The following MX1 variants were observed in gnomAD, a reference collection of about 807,000 sequenced individuals.
The protein encoded by MX1 is interferon-induced GTP-binding protein Mx1.
A neutral mutation model predicts 66.4 loss-of-function variants in MX1; 66 were observed. That is an observed-to-expected ratio of 0.99 (90% CI 0.82 to 1.22). The LOEUF (loss-of-function observed/expected upper bound fraction) is 1.22, where lower values mean the gene tolerates loss of function less well. MX1 is among the 50% of genes most tolerant of loss of function. MX1 has a pLI of 0.00. For synonymous variants in MX1, 311 were observed against 318.1 expected, an observed-to-expected ratio of 0.98 and a Z score of 0.24; for missense variants, 787 against 834.3, an observed-to-expected ratio of 0.94 and a Z score of 0.70.
At position 41,431,915 on chromosome 21, in the gene MX1, C is replaced by T. The variant is rs2090223747; in HGVS notation, c.-21-135C>T. 5 of 656,098 alleles carry T rather than the reference C, an allele frequency of 7.6e-6. No individual in the cohort carries two copies. The South Asian group carries it at 9.0e-5, about 12-fold the overall frequency. 40.6% of individuals were successfully genotyped at this position (656,098 alleles called of 1,614,324 possible). A position where few individuals can be genotyped will look rare whatever the true frequency, so the allele number is the denominator to read the frequency against. On this transcript the variant is annotated intron_variant, in intron 4 of 16. Transcript: ENST00000398598. ...ACTGTGTCCCAGGCACTCTTCTACG[C>T]TCTGGGGACATCACCATGAACAACT...
intron 6 of MX1, among the ~76,000 whole-genome samples, chr21:41,436,780 G>A (rs2090374414): frequency 6.6e-6 from 1 of 152,194 alleles, no homozygotes; most frequent in South Asian, 2.1e-4. Context: ...AAAAGTGGTG[G>A]CTTTCAAGCG....
upstream of MX1, among the ~76,000 whole-genome samples, chr21:41,424,553 C>T (rs464783): frequency 0.35 from 52,766 of 151,894 alleles, 10,490 homozygotes; most frequent in East Asian, 0.57. Flanking sequence ...AAGTCTTTAG[C>T]GGGGGCTTGT....
At chr21:41,445,743 T>TG in intron 12 of MX1, 173 bp downstream of exon 12, 1 of 921,986 alleles carries the variant, frequency 1.1e-6, no homozygotes, top group Non-Finnish European at 1.6e-6. Flanking sequence ...AGTGCAGATG[T>TG]GGGGGTGGAG....
intron 16 of MX1, among the ~76,000 whole-genome samples, chr21:41,454,391 C>A (rs2146357488): frequency 6.6e-6 from 1 of 152,192 alleles, no homozygotes; most frequent in Admixed American, 6.5e-5. Flanking sequence ...TTTTGGCCAA[C>A]CTTATGATCT....
At chr21:41,436,279 A>G (rs2090360803) in intron 6 of MX1, among the ~76,000 whole-genome samples, 1 of 152,176 alleles carries the variant, frequency 6.6e-6, no homozygotes, top group Non-Finnish European at 1.5e-5. Context: ...TAAGGGCACC[A>G]GTCATATTGG....
chr21:41,441,407 T>C lies in MX1; in HGVS notation c.731-309T>C, dbSNP rs1601504043. The C allele has an allele frequency of 2.1e-6, 1 of 476,986 alleles. No homozygotes were observed. The highest frequency in any genetic ancestry group is 2.3e-5 in the South Asian group (1 of 42,944). The allele number at this position is 476,986 out of a possible 1,614,324, so 29.5% of individuals were successfully genotyped here. On this transcript the variant is annotated intron_variant, in intron 9 of 16. Transcript: ENST00000398598. The surrounding 1 kb of genome is among the most constrained non-coding windows in gnomAD (Gnocchi z 4.0). Reference sequence around the variant, plus strand: ...GGAGGCACATGGTACTCATTAAGAATGCATTTGAGATGGGATGTCCATAAC... The same window carrying C: ...GGAGGCACATGGTACTCATTAAGAACGCATTTGAGATGGGATGTCCATAAC...
intron 10 of MX1, 124 bp from the exon 11 acceptor site, chr21:41,443,664 C>A: frequency 1.2e-6 from 1 of 816,100 alleles, no homozygotes; most frequent in South Asian, 1.5e-5. Context: ...TGGGTACCAA[C>A]TGCAAGACAT....
chr21:41,439,649 A>G, intron 7 of MX1, 45 bp from the exon 8 acceptor site: 1 of 1,593,168 alleles, frequency 6.3e-7, no homozygotes, highest in South Asian at 1.1e-5. Flanking sequence ...AGATCCGTTT[A>G]TCCTAAGCTC....
intron 10 of MX1, among the ~76,000 whole-genome samples, chr21:41,442,423 T>C (rs961863323): frequency 2.0e-5 from 3 of 152,102 alleles, no homozygotes; most frequent in African/African-American, 7.2e-5. Flanking sequence ...ATAGTTAAAG[T>C]TTAAAGTTAA....
At chr21:41,443,906 C>T in intron 11 of MX1, 40 bp downstream of exon 11, 2 of 1,577,580 alleles carry the variant, frequency 1.3e-6, no homozygotes, top group South Asian at 2.2e-5. Context: ...AAAAAGAATA[C>T]TACGACCGCA....
intron 6 of MX1, among the ~76,000 whole-genome samples, chr21:41,436,556 C>G (rs1272348918): frequency 2.0e-5 from 3 of 152,134 alleles, no homozygotes; most frequent in African/African-American, 7.2e-5. Flanking sequence ...ACGGGTCTTG[C>G]AATACAGATC....
rs1464614338 is a variant in MX1, at chr21:41,441,808, T to A, written c.823T>A (p.Tyr275Asn). The change falls in exon 10 of 17, where the codon TAC (tyrosine) becomes AAC (asparagine). Residue 275 changes from tyrosine (Y) to asparagine (N), a missense_variant. Tyr to Asn is a moderately radical substitution (Grantham distance 143). Transcript: ENST00000398598. The surrounding 1 kb of genome is among the most constrained non-coding windows in gnomAD (Gnocchi z 4.0). ...CCTCGTGTTCCACCTGAAGAAGGGT[T>A]ACATGATTGTCAAGTGCCGGGGCCA... ...RNLVFHLKKG[Y>N]MIVKCRGQQE... The A allele has an allele frequency of 1.2e-6, 2 of 1,614,034 alleles. No individual in the cohort carries two copies. The highest frequency in any genetic ancestry group is 1.7e-6 in the Non-Finnish European group (2 of 1,180,030).
chr21:41,439,395 G>C (rs2090444717), intron 7 of MX1, among the ~76,000 whole-genome samples: 1 of 152,166 alleles, frequency 6.6e-6, no homozygotes, highest in African/African-American at 2.4e-5. Context: ...GAAGGATTTA[G>C]GAATGCTACC....
intron 7 of MX1, 136 bp downstream of exon 7, chr21:41,437,288 T>C: frequency 1.1e-6 from 1 of 903,732 alleles, no homozygotes; most frequent in African/African-American, 1.7e-5. Flanking sequence ...CACGGTTCCT[T>C]CTACTTCTTT....
chr21:41,443,561 C>T, intron 10 of MX1: 1 of 553,998 alleles, frequency 1.8e-6, no homozygotes, highest in Non-Finnish European at 3.3e-6. Flanking sequence ...TTTATTATAT[C>T]AGCTGGAAGA....
At chr21:41,425,279 A>G (rs1174535264), upstream of MX1, among the ~76,000 whole-genome samples, 5 of 152,170 alleles carry the variant, frequency 3.3e-5, no homozygotes, top group African/African-American at 1.2e-4. Flanking sequence ...GGATTTGGGA[A>G]GGTAATGGAA....
chr21:41,441,360 G>T lies in MX1; in HGVS notation c.730+335G>T. ...CTACTTGCTCAGAAAGGCACAGTGG[G>T]CTCGGAAGCAGGTCAAACTCAGGAG... On this transcript the variant is annotated intron_variant, in intron 9 of 16. Transcript: ENST00000398598. The surrounding 1 kb of genome is among the most constrained non-coding windows in gnomAD (Gnocchi z 4.0). 1 of 431,752 alleles carries T rather than the reference G, an allele frequency of 2.3e-6. No homozygotes were observed. Among genetic ancestry groups the T allele is most frequent in the South Asian group, 2.7e-5 (1 of 36,524 alleles). The allele number at this position is 431,752 out of a possible 1,614,324, so 26.7% of individuals were successfully genotyped here. A position where few individuals can be genotyped will look rare whatever the true frequency, so the allele number is the denominator to read the frequency against.
intron 4 of MX1, among the ~76,000 whole-genome samples, chr21:41,431,021 T>G (rs2146095622): frequency 6.6e-6 from 1 of 152,326 alleles, no homozygotes; most frequent in Middle Eastern, 3.4e-3. Flanking sequence ...AATGTAAAGT[T>G]TTTGTTTGTT....
intron 14 of MX1, 54 bp downstream of exon 14, chr21:41,449,349 G>T: frequency 6.4e-7 from 1 of 1,556,952 alleles, no homozygotes; most frequent in South Asian, 1.2e-5. Context: ...GGAAAGGTTC[G>T]AACCAAAGCC....
Sources: gnomAD v4.1 joint callset for allele counts (sites outside exome capture counted in the v4.1 genomes callset) on GRCh38, gnomAD v4.1.1 for gene constraint, Gnocchi (gnomAD v3.1) non-coding constraint, MANE v1.5 for transcripts, NCBI Gene and HGNC (gene_info 2026-07-23, HGNC 2026-07-21) for gene names.